HOXA7: variants seen among roughly 807,000 people sequenced by gnomAD.
The protein encoded by HOXA7 is homeobox A7.
A neutral mutation model predicts 16.8 loss-of-function variants in HOXA7; 16 were observed. The observed-to-expected ratio is 0.95, with a 90% CI of 0.64 to 1.44. HOXA7 has a LOEUF of 1.44. HOXA7 is among the 40% of genes most tolerant of loss of function. HOXA7 has a pLI of 0.00. For synonymous variants in HOXA7, 169 were observed against 144.3 expected, an observed-to-expected ratio of 1.17 and a Z score of -1.23; for missense variants, 379 against 328.6, an observed-to-expected ratio of 1.15 and a Z score of -1.19.
Position 27,156,562 on chromosome 7 carries a change from T to C in HOXA7, c.-17A>G, listed in dbSNP as rs1414167919. ...AGAACTCATAATTTTGACCTGTGATTTGTTGTCCGGCAGCTTTCAGTGTCG... is the reference window on the plus strand; with the variant it reads ...AGAACTCATAATTTTGACCTGTGATCTGTTGTCCGGCAGCTTTCAGTGTCG... On this transcript the variant is annotated 5_prime_UTR_variant, in exon 1 of 2. Transcript: ENST00000242159. 6.4e-7 allele frequency: 1 copy of C among 1,552,400 alleles called. No homozygotes were observed. The highest frequency in any genetic ancestry group is 2.3e-5 in the East Asian group (1 of 44,092).
At position 27,153,874 on chromosome 7, in the gene HOXA7, ACAGTT is replaced by A. The variant is rs1162728898; in HGVS notation, c.*1030_*1034del. 6.5e-6 allele frequency: 1 copy of A among 152,738 alleles called. No individual in the cohort carries two copies. 9.5% of individuals were successfully genotyped at this position (152,738 alleles called of 1,614,324 possible). ...AGGGCATTGGACCTCCCCACCCACT[ACAGTT>A]AACTCAAGACAACATACCATGCTAC... On this transcript the variant is annotated 3_prime_UTR_variant, in exon 2 of 2. Transcript: ENST00000242159.
At chr7:27,155,272 G>A in intron 1 of HOXA7, 50 bp from the exon 2 acceptor site, 1 of 1,554,824 alleles carries the variant, frequency 6.4e-7, no homozygotes, top group South Asian at 1.1e-5. Flanking sequence ...CAAGTAGACA[G>A]GGCACTCGTT....
rs750440722 is a variant in HOXA7 at position 27,156,228 on chromosome 7, C to T, written c.318G>A (p.Glu106=). ...LAKGACDKTD[E]GALHGAAEAN... Reference sequence around the variant, plus strand: ...CCTCAGCCGCGCCATGCAGCGCGCCCTCGTCCGTCTTGTCGCAGGCGCCTT... The same window carrying T: ...CCTCAGCCGCGCCATGCAGCGCGCCTTCGTCCGTCTTGTCGCAGGCGCCTT... Residue 106 remains glutamate (E), a synonymous_variant, in exon 1 of 2, where the codon GAG becomes GAA. Coordinates refer to ENST00000242159, the MANE Select transcript of HOXA7 (RefSeq NM_006896.4). 32 of 1,604,020 alleles carry T rather than the reference C, an allele frequency of 2.0e-5. No individual in the cohort carries two copies. The African/African-American group carries it at 3.7e-4, about 19-fold the overall frequency.
Position 27,156,207 on chromosome 7 carries a change from A to T in HOXA7, c.339T>A (p.Ala113=). ...AGGGGTAGATGCGGAAATTGGCCTCAGCCGCGCCATGCAGCGCGCCCTCGT... is the reference window on the plus strand; with the variant it reads ...AGGGGTAGATGCGGAAATTGGCCTCTGCCGCGCCATGCAGCGCGCCCTCGT... ...KTDEGALHGA[A]EANFRIYPWM... The change falls in exon 1 of 2, where the codon GCT becomes GCA. Residue 113 remains alanine (A), a synonymous_variant. Coordinates refer to ENST00000242159, the MANE Select transcript of HOXA7 (RefSeq NM_006896.4). 1 of 1,594,390 alleles carries T rather than the reference A, an allele frequency of 6.3e-7. No homozygotes were observed. The highest frequency in any genetic ancestry group is 1.3e-5 in the African/African-American group (1 of 74,634).
rs201461196 is a variant in HOXA7 at position 27,156,501 on chromosome 7, C to T, written c.45G>A (p.Thr15=). The part of the protein sequence containing the change: ...YYVNALFSKY[T]AGASLFQNAE... ...CATTTTGGAACAGAGAAGCCCCCGC[C>T]GTATATTTGCTAAAAAGCGCGTTCA... The change falls in exon 1 of 2, where the codon ACG becomes ACA. Residue 15 remains threonine (T), a synonymous_variant. Transcript: ENST00000242159. 5.0e-6 allele frequency: 8 copies of T among 1,587,330 alleles called. No individual in the cohort carries two copies. The highest frequency in any genetic ancestry group is 6.0e-6 in the Non-Finnish European group (7 of 1,164,094).
At position 27,154,981 on chromosome 7, in the gene HOXA7, G is replaced by A. The variant is rs1303540184; in HGVS notation, c.621C>T (p.Ala207=). The A allele has an allele frequency of 1.1e-5, 18 of 1,613,122 alleles. No homozygotes were observed. Among genetic ancestry groups the A allele is most frequent in the Admixed American group, 3.3e-5 (2 of 59,994 alleles). Residue 207 remains alanine (A), a synonymous_variant, in exon 2 of 2, where the codon GCC becomes GCT. Coordinates refer to ENST00000242159, the MANE Select transcript of HOXA7 (RefSeq NM_006896.4). ...CCTTGTCCGCGGCAGCAGTGGCGGCGGCAGAGGGCACGGCGCCCTCGGGAG... is the reference window on the plus strand; with the variant it reads ...CCTTGTCCGCGGCAGCAGTGGCGGCAGCAGAGGGCACGGCGCCCTCGGGAG... The part of the protein sequence containing the change: ...AAAPEGAVPS[A]AATAAADKAD...
Position 27,154,737 on chromosome 7 carries a change from A to T in HOXA7, c.*172T>A. The T allele has an allele frequency of 1.1e-6, 1 of 923,170 alleles. No homozygotes were observed. The highest frequency in any genetic ancestry group is 1.6e-6 in the Non-Finnish European group (1 of 638,154). 57.2% of individuals were successfully genotyped at this position (923,170 alleles called of 1,614,324 possible). On this transcript the variant is annotated 3_prime_UTR_variant, in exon 2 of 2. Transcript: ENST00000242159. ...TCAGTCCACAAAAGTTGGGAGCTGG[A>T]GTAGGTGATGGGGGTGGGTAGAGTG...
In HOXA7 at chr7:27,154,197, T is replaced by A. The variant is rs1440363513; in HGVS notation, c.*712A>T. 1 of 152,276 alleles carries A rather than the reference T, an allele frequency of 6.6e-6. No homozygotes were observed. Among genetic ancestry groups the A allele is most frequent in the Admixed American group, 6.5e-5 (1 of 15,284 alleles). The allele number at this position is 152,276 out of a possible 1,614,324, so 9.4% of individuals were successfully genotyped here. Reference sequence around the variant, plus strand: ...GAAGTGGGGGTTGATGGGCCTGAGCTGTGGGTGCCAAGCCAGAGAAGGAGG... The same window carrying A: ...GAAGTGGGGGTTGATGGGCCTGAGCAGTGGGTGCCAAGCCAGAGAAGGAGG... On this transcript the variant is annotated 3_prime_UTR_variant, in exon 2 of 2. Transcript: ENST00000242159.
At position 27,156,275 on chromosome 7, in the gene HOXA7, C is replaced by A. The variant is rs1311317501; in HGVS notation, c.271G>T (p.Gly91Trp). Residue 91 changes from glycine (G) to tryptophan (W), a missense_variant, in exon 1 of 2, where the codon GGG becomes TGG. Coordinates refer to ENST00000242159, the MANE Select transcript of HOXA7 (RefSeq NM_006896.4). ...CCTTTGGCGAGGTCACTGCAGAGCC[C>A]GGGGATGTTTTGGTCGTAGGAGGCG... Reference protein sequence around the residue: ...PCASYDQNIPGLCSDLAKGAC... With the variant: ...PCASYDQNIPWLCSDLAKGAC... 2 of 1,613,130 alleles carry A rather than the reference C, an allele frequency of 1.2e-6. No individual in the cohort carries two copies. Among genetic ancestry groups the A allele is most frequent in the Admixed American group, 3.3e-5 (2 of 59,830 alleles).
rs1214855482 is a variant in HOXA7 at position 27,153,994 on chromosome 7, G to C, written c.*915C>G. 1 of 152,578 alleles carries C rather than the reference G, an allele frequency of 6.6e-6. No homozygotes were observed. Among genetic ancestry groups the C allele is most frequent in the Non-Finnish European group, 1.5e-5 (1 of 68,060 alleles). 9.5% of individuals were successfully genotyped at this position (152,578 alleles called of 1,614,324 possible). On this transcript the variant is annotated 3_prime_UTR_variant, in exon 2 of 2. Coordinates refer to ENST00000242159, the MANE Select transcript of HOXA7 (RefSeq NM_006896.4). The stretch of plus-strand genomic sequence containing the variant: ...TATAGAAATGATAAAAAAAAATCTT[G>C]TTCAAATATACAGTATCTGCTATTA...
rs781074781 is a variant in HOXA7, at chr7:27,154,993, G to A, written c.609C>T (p.Ala203=). The A allele has an allele frequency of 3.1e-6, 5 of 1,613,664 alleles. No individual in the cohort carries two copies. The highest frequency in any genetic ancestry group is 4.2e-6 in the Non-Finnish European group (5 of 1,179,580). ...GPTAAAAPEG[A]VPSAAATAAA... The stretch of plus-strand genomic sequence containing the variant: ...CAGCAGTGGCGGCGGCAGAGGGCAC[G>A]GCGCCCTCGGGAGCTGCGGCGGCAG... The change falls in exon 2 of 2, where the codon GCC becomes GCT. Residue 203 remains alanine (A), a synonymous_variant. Coordinates refer to ENST00000242159, the MANE Select transcript of HOXA7 (RefSeq NM_006896.4).
At position 27,154,477 on chromosome 7, in the gene HOXA7, G is replaced by T. The variant is rs17500932; in HGVS notation, c.*432C>A. The T allele has an allele frequency of 0.046, 7,709 of 168,650 alleles. 562 individuals are homozygous for T. Among genetic ancestry groups the T allele is most frequent in the African/African-American group, 0.16 (6,843 of 41,802 alleles). The allele number at this position is 168,650 out of a possible 1,614,324, so 10.4% of individuals were successfully genotyped here. ...TAGTAGTGAGATTCACTTTCTTGCG[G>T]GTCTGGGAGGGTGGTGCTGGGTGTC... On this transcript the variant is annotated 3_prime_UTR_variant, in exon 2 of 2. Transcript: ENST00000242159.
chr7:27,154,904 G>GC lies in HOXA7; in HGVS notation c.*4dup, dbSNP rs781557426. ...CCGGTGCAGAGAGGGCCCCGGATCG[G>GC]CCCCTCATTCCTCCTCGTCTTCCTC... On this transcript the variant is annotated 3_prime_UTR_variant, in exon 2 of 2. Coordinates refer to ENST00000242159, the MANE Select transcript of HOXA7 (RefSeq NM_006896.4). 19 of 1,604,352 alleles carry GC rather than the reference G, an allele frequency of 1.2e-5. No individual in the cohort carries two copies. The highest frequency in any genetic ancestry group is 1.7e-4 in the Middle Eastern group (1 of 6,036).
In HOXA7 at chr7:27,154,735, G is replaced by A; in HGVS notation, c.*174C>T. On this transcript the variant is annotated 3_prime_UTR_variant, in exon 2 of 2. Coordinates refer to ENST00000242159, the MANE Select transcript of HOXA7 (RefSeq NM_006896.4). Reference sequence around the variant, plus strand: ...GCTCAGTCCACAAAAGTTGGGAGCTGGAGTAGGTGATGGGGGTGGGTAGAG... The same window carrying A: ...GCTCAGTCCACAAAAGTTGGGAGCTAGAGTAGGTGATGGGGGTGGGTAGAG... 1 of 919,812 alleles carries A rather than the reference G, an allele frequency of 1.1e-6. No individual in the cohort carries two copies. 57.0% of individuals were successfully genotyped at this position (919,812 alleles called of 1,614,324 possible).
Position 27,155,297 on chromosome 7 carries a change from G to C in HOXA7, c.380-75C>G, listed in dbSNP as rs1277814348. 16 of 1,372,202 alleles carry C rather than the reference G, an allele frequency of 1.2e-5. No individual in the cohort carries two copies. In the Admixed American group the frequency reaches 2.4e-4, roughly 21 times the overall value. The allele number at this position is 1,372,202 out of a possible 1,614,324, so 85.0% of individuals were successfully genotyped here. A position where few individuals can be genotyped will look rare whatever the true frequency, so the allele number is the denominator to read the frequency against. On this transcript the variant is annotated intron_variant, in intron 1 of 1. Transcript: ENST00000242159. ...GGGCACTCGTTAGGCTGCTGTCCCA[G>C]AGCCCGCACCTTCCTCCTGGCCTAG...
In HOXA7 at chr7:27,154,833, T is replaced by C. The variant is rs1783073538; in HGVS notation, c.*76A>G. ...ACATTTTCTTTTATTTTTCCCATTT[T>C]TGTAAGTAAAACCAGTGAGTCTCTT... On this transcript the variant is annotated 3_prime_UTR_variant, in exon 2 of 2. Coordinates refer to ENST00000242159, the MANE Select transcript of HOXA7 (RefSeq NM_006896.4). 6.6e-7 allele frequency: 1 copy of C among 1,504,368 alleles called. No homozygotes were observed. Among genetic ancestry groups the C allele is most frequent in the Non-Finnish European group, 8.9e-7 (1 of 1,129,282 alleles). The allele number at this position is 1,504,368 out of a possible 1,614,324, so 93.2% of individuals were successfully genotyped here.
chr7:27,155,129 C>A lies in HOXA7; in HGVS notation c.473G>T (p.Arg158Leu). Residue 158 changes from arginine to leucine, a missense_variant, in exon 2 of 2, where the codon CGC becomes CTC. Transcript: ENST00000242159. The part of the protein sequence containing the change: ...EFHFNRYLTR[R>L]RRIEIAHALC... ...CGCGTGGGCGATTTCAATGCGGCGGCGCCGCGTCAGGTAGCGGTTGAAGTG... is the reference window on the plus strand; with the variant it reads ...CGCGTGGGCGATTTCAATGCGGCGGAGCCGCGTCAGGTAGCGGTTGAAGTG... 1 of 1,614,258 alleles carries A rather than the reference C, an allele frequency of 6.2e-7. No individual in the cohort carries two copies. Among genetic ancestry groups the A allele is most frequent in the Non-Finnish European group, 8.5e-7 (1 of 1,180,056 alleles).
At position 27,155,101 on chromosome 7, in the gene HOXA7, G is replaced by C; in HGVS notation, c.501C>G (p.Leu167=). The C allele has an allele frequency of 6.2e-7, 1 of 1,614,270 alleles. No individual in the cohort carries two copies. Among genetic ancestry groups the C allele is most frequent in the Non-Finnish European group, 8.5e-7 (1 of 1,180,050 alleles). The stretch of plus-strand genomic sequence containing the variant: ...TCTTAATCTGGCGCTCGGTGAGGCA[G>C]AGCGCGTGGGCGATTTCAATGCGGC... ...RRRRIEIAHA[L]CLTERQIKIW... Residue 167 remains leucine (L), a synonymous_variant, in exon 2 of 2, where the codon CTC becomes CTG. Transcript: ENST00000242159.
chr7:27,155,865 AACTT>A (rs1385910774), intron 1 of HOXA7: 1 of 316,584 alleles, frequency 3.2e-6, no homozygotes, highest in Non-Finnish European at 5.7e-6. Flanking sequence ...ATAGCGAACA[AACTT>A]AATGTTAAAA....
Sources: allele counts gnomAD v4.1 joint callset, GRCh38; gene constraint gnomAD v4.1.1; transcripts MANE v1.5; gene names NCBI Gene and HGNC (gene_info 2026-07-23, HGNC 2026-07-21).